Variants in ZNF528 observed in about 807,000 individuals in gnomAD.
The protein encoded by ZNF528 is zinc finger protein 528.
A neutral mutation model predicts 13.3 loss-of-function variants in ZNF528; 9 were observed. That is an observed-to-expected ratio of 0.67 (90% CI 0.41 to 1.18). The LOEUF (loss-of-function observed/expected upper bound fraction) is 1.18. Ranked by LOEUF, ZNF528 falls within the 50% of genes most tolerant of loss-of-function variation. The pLI, the probability that ZNF528 is intolerant of heterozygous loss-of-function variation, is 0.01. For synonymous variants in ZNF528, 264 were observed against 254.3 expected (o/e 1.04, Z -0.36); for missense variants, 858 against 745.4 (o/e 1.15, Z -1.76).
intron 5 of ZNF528, among the ~76,000 whole-genome samples, chr19:52,406,244 G>A (rs1372811357): frequency 1.3e-5 from 2 of 152,190 alleles, no homozygotes; most frequent in African/African-American, 4.8e-5. Context: ...GGTGGCACCA[G>A]GGCCGAAGTA....
At chr19:52,410,514 A>G (rs1456852448) in intron 6 of ZNF528, among the ~76,000 whole-genome samples, 1 of 152,208 alleles carries the variant, frequency 6.6e-6, no homozygotes, top group African/African-American at 2.4e-5. Flanking sequence ...GAGTTTGCCC[A>G]CATCCTGCAT....
At chr19:52,411,775 C>G (rs1236353377) in intron 6 of ZNF528, 1 of 152,176 alleles carries the variant, frequency 6.6e-6, no homozygotes, top group Non-Finnish European at 1.5e-5. Context: ...TTTCATATCC[C>G]ATGTCCTTCA....
Position 52,416,837 on chromosome 19 carries a change from G to T in ZNF528, c.*98G>T, listed in dbSNP as rs933585703. The T allele has an allele frequency of 3.1e-5, 39 of 1,278,250 alleles. 1 individual carries two copies. In the South Asian group the frequency reaches 5.7e-4, roughly 19 times the overall value. 79.2% of individuals were successfully genotyped at this position (1,278,250 alleles called of 1,614,324 possible). ...TAAGTGGAAATCATATAAATGAAAT[G>T]TATGTGACACAGGCTTTATCAAGGC... On this transcript the variant is annotated 3_prime_UTR_variant, in exon 7 of 7. Coordinates refer to ENST00000360465, the MANE Select transcript of ZNF528 (RefSeq NM_032423.3).
Position 52,416,119 on chromosome 19 carries a change from GAC to G in ZNF528, c.1268_1269del (p.Asp423AlafsTer10). 6.2e-7 allele frequency: 1 copy of G among 1,613,818 alleles called. No individual in the cohort carries two copies. The highest frequency in any genetic ancestry group is 8.5e-7 in the Non-Finnish European group (1 of 1,179,972). On this transcript the variant is annotated frameshift_variant, in exon 7 of 7. Coordinates refer to ENST00000360465, the MANE Select transcript of ZNF528 (RefSeq NM_032423.3). LOFTEE classifies it low-confidence loss of function (END_TRUNC). ...TGGCAAGATCTTTAGTCAGAAATCAGACCTTATACGACATCGAAAAACTCATA... is the reference window on the plus strand; with the variant it reads ...TGGCAAGATCTTTAGTCAGAAATCAGCTTATACGACATCGAAAAACTCATA... ...QCGKIFSQKS[D>X]LIRHRKTHTD...
chr19:52,405,860 G>A (rs759395532), intron 4 of ZNF528, 47 bp from the exon 5 acceptor site: 1 of 1,598,458 alleles, frequency 6.3e-7, no homozygotes, highest in Non-Finnish European at 8.5e-7. Context: ...TTGTGACGAT[G>A]AGTACTGTGT....
chr19:52,412,461 G>C (rs1228901914), intron 6 of ZNF528: 1 of 152,214 alleles, frequency 6.6e-6, no homozygotes, highest in Non-Finnish European at 1.5e-5. Context: ...TTGACTGGGA[G>C]ATCTAATCCT....
At chr19:52,411,537 C>T (rs745538168) in intron 6 of ZNF528, 1 of 152,104 alleles carries the variant, frequency 6.6e-6, no homozygotes, top group Non-Finnish European at 1.5e-5. Context: ...CTCTATATGT[C>T]CTGCATTCAA....
chr19:52,407,921 C>T (rs1332018817), intron 6 of ZNF528, among the ~76,000 whole-genome samples: 9 of 151,992 alleles, frequency 5.9e-5, no homozygotes, highest in Non-Finnish European at 1.0e-4. Flanking sequence ...CCATGTTGGG[C>T]AGGCTGGTCT....
At position 52,416,823 on chromosome 19, in the gene ZNF528, CAT is replaced by C. The variant is rs2059011339; in HGVS notation, c.*88_*89del. 4.4e-6 allele frequency: 6 copies of C among 1,363,874 alleles called. No individual in the cohort carries two copies. In the East Asian group the frequency reaches 9.7e-5, roughly 22 times the overall value. The allele number at this position is 1,363,874 out of a possible 1,614,324, so 84.5% of individuals were successfully genotyped here. On this transcript the variant is annotated 3_prime_UTR_variant, in exon 7 of 7. Transcript: ENST00000360465. ...CAGTGAGTCCATACTAAGTGGAAATCATATAAATGAAATGTATGTGACACAGG... is the reference window on the plus strand; with the variant it reads ...CAGTGAGTCCATACTAAGTGGAAATCATAAATGAAATGTATGTGACACAGG...
intron 6 of ZNF528, among the ~76,000 whole-genome samples, chr19:52,407,435 C>G (rs1000048331): frequency 6.6e-6 from 1 of 152,130 alleles, no homozygotes; most frequent in South Asian, 2.1e-4. Flanking sequence ...CCACAGCAAC[C>G]AGTAAGGTGT....
At chr19:52,411,204 A>C (rs999823586) in intron 6 of ZNF528, among the ~76,000 whole-genome samples, 3 of 152,212 alleles carry the variant, frequency 2.0e-5, no homozygotes, top group African/African-American at 7.2e-5. Flanking sequence ...ATGGTGACAT[A>C]ATGTAGGACT....
chr19:52,405,872 C>T (rs1452846027), intron 4 of ZNF528, 35 bp from the exon 5 acceptor site: 2 of 1,602,362 alleles, frequency 1.2e-6, no homozygotes, highest in African/African-American at 2.7e-5. Flanking sequence ...GTACTGTGTG[C>T]ATACCTTGTT....
chr19:52,406,588 A>G lies in ZNF528; in HGVS notation c.216A>G (p.Glu72=). The part of the protein sequence containing the change: ...QKRDPWTLQS[E]EKIANDPDGR... Reference sequence around the variant, plus strand: ...GAGATCCCTGGACTCTGCAGAGTGAAGAGAAAATAGCAAACGATCCAGACG... The same window carrying G: ...GAGATCCCTGGACTCTGCAGAGTGAGGAGAAAATAGCAAACGATCCAGACG... Residue 72 remains glutamate (E), a synonymous_variant, in exon 6 of 7, where the codon GAA becomes GAG. Coordinates refer to ENST00000360465, the MANE Select transcript of ZNF528 (RefSeq NM_032423.3). The G allele has an allele frequency of 1.9e-6, 3 of 1,614,132 alleles. No homozygotes were observed. The highest frequency in any genetic ancestry group is 1.3e-5 in the African/African-American group (1 of 75,044).
chr19:52,401,662 C>CTTTTTT (rs34244828), intron 2 of ZNF528, 23 bp from the exon 3 acceptor site: 58 of 906,874 alleles, frequency 6.4e-5, no homozygotes, highest in East Asian at 3.5e-4. Flanking sequence ...TGAAGAATTG[C>CTTTTTT]TTTTTTTTTT....
intron 1 of ZNF528, 149 bp from the exon 2 acceptor site, chr19:52,398,218 G>C (rs926420727): frequency 1.3e-5 from 2 of 152,332 alleles, no homozygotes; most frequent in African/African-American, 4.8e-5. Flanking sequence ...CGTTCCCCTA[G>C]CCTCGCCCTT....
intron 6 of ZNF528, chr19:52,406,901 A>C: frequency 2.4e-6 from 1 of 414,320 alleles, no homozygotes; most frequent in Non-Finnish European, 4.2e-6. Flanking sequence ...TGGGAAAACC[A>C]AAGTTGAAAT....
intron 6 of ZNF528, among the ~76,000 whole-genome samples, chr19:52,409,315 T>G (rs888810651): frequency 2.6e-5 from 4 of 151,990 alleles, no homozygotes; most frequent in African/African-American, 9.7e-5. Context: ...TTTTTTTTTT[T>G]TGAGACGGAG....
chr19:52,414,600 C>G lies in ZNF528; in HGVS notation c.272-524C>G, dbSNP rs142190665. On this transcript the variant is annotated intron_variant, in intron 6 of 6. Transcript: ENST00000360465. Reference sequence around the variant, plus strand: ...CATGGCACCAGGGAGTGATTACCTTCAGCAAACCTTCTGGTGTCAGGCGCA... The same window carrying G: ...CATGGCACCAGGGAGTGATTACCTTGAGCAAACCTTCTGGTGTCAGGCGCA... The G allele has an allele frequency of 5.4e-4, 234 of 437,092 alleles. 5 individuals are homozygous for G. In the East Asian group the frequency reaches 0.01, roughly 19 times the overall value. The allele number at this position is 437,092 out of a possible 1,614,324, so 27.1% of individuals were successfully genotyped here.
At chr19:52,404,445 C>G (rs560123575) in intron 4 of ZNF528, among the ~76,000 whole-genome samples, 6 of 152,118 alleles carry the variant, frequency 3.9e-5, no homozygotes, top group South Asian at 2.1e-4. Flanking sequence ...CCAGGATGCT[C>G]TCAGTCTCTT....
Sources: allele counts gnomAD v4.1 joint callset (sites outside exome capture counted in the v4.1 genomes callset), GRCh38; gene constraint gnomAD v4.1.1; transcripts MANE v1.5; gene names NCBI Gene and HGNC (gene_info 2026-07-23, HGNC 2026-07-21).